Variants in PDE2A observed in about 807,000 individuals in gnomAD.
PDE2A encodes phosphodiesterase 2A, also known as cGMP-dependent 3',5'-cyclic phosphodiesterase.
In PDE2A, 53 loss-of-function variants were observed where a neutral mutation model predicts 133.6. The ratio of observed to expected loss-of-function variants is 0.40; its 90% confidence interval spans 0.32 to 0.50. The LOEUF is 0.50. PDE2A is among the 20% of genes least tolerant of loss of function. The pLI, the probability that PDE2A is intolerant of heterozygous loss-of-function variation, is 0.73. For missense variants in PDE2A, 796 were observed against 1,232.4 expected, an observed-to-expected ratio of 0.65 and a Z score of 5.30; for synonymous variants, 491 against 490.2, an observed-to-expected ratio of 1.00 and a Z score of -0.02.
At chr11:72,583,388 G>T in intron 20 of PDE2A, 50 bp downstream of exon 20, 2 of 1,302,546 alleles carry the variant, frequency 1.5e-6, no homozygotes, top group Non-Finnish European at 2.2e-6. Flanking sequence ...GCCTGGCCCT[G>T]GGTCCCCGGG....
At chr11:72,605,261 A>T in intron 3 of PDE2A, 35 bp from the exon 4 acceptor site, 1 of 1,402,958 alleles carries the variant, frequency 7.1e-7, no homozygotes, top group South Asian at 1.3e-5. Flanking sequence ...CCCTGTGGAG[A>T]GGCCCTCCCA....
Position 72,577,176 on chromosome 11 carries a change from C to T in PDE2A, c.*208G>A. On this transcript the variant is annotated 3_prime_UTR_variant, in exon 31 of 31. Coordinates refer to ENST00000334456, the MANE Select transcript of PDE2A (RefSeq NM_002599.5). Reference sequence around the variant, plus strand: ...TGGTCACCCCTGTGCTCTCAGAAAACAAATTACAAAGTCTCCGTGAGGTTG... The same window carrying T: ...TGGTCACCCCTGTGCTCTCAGAAAATAAATTACAAAGTCTCCGTGAGGTTG... 1 of 573,714 alleles carries T rather than the reference C, an allele frequency of 1.7e-6. No homozygotes were observed. Among genetic ancestry groups the T allele is most frequent in the Non-Finnish European group, 3.1e-6 (1 of 322,384 alleles). The allele number at this position is 573,714 out of a possible 1,614,324, so 35.5% of individuals were successfully genotyped here. A position where few individuals can be genotyped will look rare whatever the true frequency, so the allele number is the denominator to read the frequency against.
chr11:72,588,655 C>T (rs1565153910), intron 13 of PDE2A, 129 bp downstream of exon 13: 15 of 817,220 alleles, frequency 1.8e-5, no homozygotes, highest in Non-Finnish European at 2.7e-5. Context: ...TGCACTAACA[C>T]ACTGTTCAAC....
At chr11:72,589,831 C>A (rs1387643939) in intron 10 of PDE2A, 39 bp from the exon 11 acceptor site, 5 of 1,611,514 alleles carry the variant, frequency 3.1e-6, no homozygotes, top group Admixed American at 3.3e-5. Flanking sequence ...AAAGGAAAGG[C>A]AATGGATTTC....
chr11:72,595,072 G>C (rs1375132076), intron 6 of PDE2A, among the ~76,000 whole-genome samples: 1 of 150,318 alleles, frequency 6.7e-6, no homozygotes, highest in Admixed American at 6.6e-5. Flanking sequence ...ACACACATTG[G>C]CCTCTGGCCC....
At chr11:72,608,971 A>C (rs1857089447) in intron 2 of PDE2A, among the ~76,000 whole-genome samples, 1 of 152,250 alleles carries the variant, frequency 6.6e-6, no homozygotes, top group Non-Finnish European at 1.5e-5. Context: ...GGCGCAGAGA[A>C]GGGCCAGGGA....
At chr11:72,665,304 T>C (rs1346614676) in intron 1 of PDE2A, among the ~76,000 whole-genome samples, 1 of 152,076 alleles carries the variant, frequency 6.6e-6, no homozygotes, top group African/African-American at 2.4e-5. Flanking sequence ...ATTCAGGATA[T>C]GCCTCCCTGC....
chr11:72,639,094 T>C (rs995561027), intron 2 of PDE2A, among the ~76,000 whole-genome samples: 2 of 152,132 alleles, frequency 1.3e-5, no homozygotes, highest in Admixed American at 6.5e-5. Context: ...GAACCTTGGA[T>C]GTTTCTTCTC....
intron 1 of PDE2A, among the ~76,000 whole-genome samples, chr11:72,673,652 T>C (rs1467208099): frequency 6.6e-6 from 1 of 152,064 alleles, no homozygotes; most frequent in Non-Finnish European, 1.5e-5. Context: ...TAACCCTCTC[T>C]TGCTCCAGGG....
chr11:72,596,468 T>TCA (rs1263482721), intron 6 of PDE2A, 125 bp downstream of exon 6: 1,074 of 178,128 alleles, frequency 6.0e-3, no homozygotes, highest in Non-Finnish European at 7.7e-3. Flanking sequence ...TCTCTCTCTC[T>TCA]CTCTCTCTCT....
At chr11:72,664,616 G>A (rs61895592) in intron 1 of PDE2A, among the ~76,000 whole-genome samples, 39,593 of 151,042 alleles carry the variant, frequency 0.26, 5,352 homozygotes, top group South Asian at 0.34. Flanking sequence ...CTCGTGATCC[G>A]CCCACCTCAG....
At chr11:72,607,414 A>G (rs1183698202) in intron 3 of PDE2A, among the ~76,000 whole-genome samples, 6 of 152,058 alleles carry the variant, frequency 3.9e-5, no homozygotes, top group Admixed American at 6.6e-5. Context: ...CCCTTTCCAG[A>G]TGTGCCTTCA....
intron 26 of PDE2A, 33 bp downstream of exon 26, chr11:72,579,501 C>A: frequency 1.3e-6 from 2 of 1,574,956 alleles, no homozygotes; most frequent in South Asian, 1.2e-5. Context: ...CCCAGCTCCC[C>A]CTCAATCCCC....
In PDE2A at chr11:72,674,280, G is replaced by A; in HGVS notation, c.-73C>T. The stretch of plus-strand genomic sequence containing the variant: ...CCTGTCCCCGCTGCCTGGAGTTCAG[G>A]GCAGGGCACCCCCAGCAGGCACAGG... On this transcript the variant is annotated 5_prime_UTR_variant, in exon 1 of 31. Transcript: ENST00000334456. 2.0e-6 allele frequency: 3 copies of A among 1,475,988 alleles called. No homozygotes were observed. The highest frequency in any genetic ancestry group is 1.8e-6 in the Non-Finnish European group (2 of 1,087,688). The allele number at this position is 1,475,988 out of a possible 1,614,324, so 91.4% of individuals were successfully genotyped here.
intron 1 of PDE2A, among the ~76,000 whole-genome samples, chr11:72,661,866 T>C (rs533221439): frequency 2.6e-5 from 4 of 152,348 alleles, no homozygotes; most frequent in Admixed American, 2.0e-4. Context: ...GCATTGATGT[T>C]CCCATTTGTT....
chr11:72,650,550 A>G (rs1591129320), intron 1 of PDE2A, among the ~76,000 whole-genome samples: 1 of 152,186 alleles, frequency 6.6e-6, no homozygotes, highest in East Asian at 1.9e-4. Context: ...CACCGCAGAT[A>G]AAGGTCCCAA....
chr11:72,622,195 A>C (rs185059720), intron 2 of PDE2A, among the ~76,000 whole-genome samples: 58 of 152,336 alleles, frequency 3.8e-4, no homozygotes, highest in African/African-American at 1.3e-3. Flanking sequence ...ATAAAAGAAA[A>C]AAAAGAACAG....
chr11:72,583,329 G>A (rs181867657), intron 20 of PDE2A, 109 bp downstream of exon 20: 285 of 789,554 alleles, frequency 3.6e-4, no homozygotes, highest in Middle Eastern at 1.1e-3. Context: ...GCCTGCTGTG[G>A]CTCTGGGCCT....
chr11:72,629,723 G>A, intron 2 of PDE2A, among the ~76,000 whole-genome samples: 1 of 152,160 alleles, frequency 6.6e-6, no homozygotes, highest in Admixed American at 6.5e-5. Context: ...TCAGGGGCCG[G>A]GAAAGAGTGA....
Sources: allele counts gnomAD v4.1 joint callset (sites outside exome capture counted in the v4.1 genomes callset), GRCh38; gene constraint gnomAD v4.1.1; transcripts MANE v1.5; gene names NCBI Gene and HGNC (gene_info 2026-07-23, HGNC 2026-07-21).